SPAG16: variants seen among roughly 807,000 people sequenced by gnomAD.
The protein encoded by SPAG16 is sperm associated antigen 16, also known as sperm-associated antigen 16 protein.
Under a neutral mutation model 80.4 loss-of-function variants are expected in SPAG16, and 86 were observed. The observed-to-expected ratio is 1.07, with a 90% CI of 0.90 to 1.28. SPAG16 has a LOEUF of 1.28. SPAG16 is among the 50% of genes most tolerant of loss of function. The pLI is 0.00. For synonymous variants in SPAG16, 294 were observed against 265.9 expected (o/e 1.11, Z -1.03); for missense variants, 870 against 765.3 (o/e 1.14, Z -1.61).
chr2:213,429,723 G>T (rs2070170720), intron 9 of SPAG16, among the ~76,000 whole-genome samples: 1 of 152,036 alleles, frequency 6.6e-6, no homozygotes, highest in African/African-American at 2.4e-5. Flanking sequence ...CCACCCTAAG[G>T]CTATTTATAA....
intron 10 of SPAG16, among the ~76,000 whole-genome samples, chr2:213,837,539 T>C (rs1043346613): frequency 6.6e-6 from 1 of 152,246 alleles, no homozygotes. Context: ...AATGTTGCTA[T>C]TTTGCAACTA....
chr2:213,445,740 A>G (rs1396737203), intron 9 of SPAG16, among the ~76,000 whole-genome samples: 1 of 152,204 alleles, frequency 6.6e-6, no homozygotes, highest in Non-Finnish European at 1.5e-5. Flanking sequence ...AATCTAAACT[A>G]CAATAAGATA....
chr2:213,542,024 T>G (rs1421857079), intron 10 of SPAG16, among the ~76,000 whole-genome samples: 1 of 152,158 alleles, frequency 6.6e-6, no homozygotes, highest in East Asian at 1.9e-4. Context: ...AAAGTCTATT[T>G]TCATAGACAA....
intron 5 of SPAG16, among the ~76,000 whole-genome samples, chr2:213,323,471 CAA>C (rs2063712639): frequency 6.6e-6 from 1 of 152,148 alleles, no homozygotes; most frequent in Non-Finnish European, 1.5e-5. Context: ...CAAACAATAA[CAA>C]GTGTTGATGT....
intron 11 of SPAG16, among the ~76,000 whole-genome samples, chr2:213,885,798 A>C (rs1041557470): frequency 1.3e-5 from 2 of 152,192 alleles, no homozygotes; most frequent in African/African-American, 4.8e-5. Flanking sequence ...TACAGTATCC[A>C]TAGTTACACA....
At chr2:213,925,355 C>CT (rs35309095) in intron 11 of SPAG16, among the ~76,000 whole-genome samples, 38,323 of 141,594 alleles carry the variant, frequency 0.27, 5,379 homozygotes, top group East Asian at 0.44. Context: ...TCTTTTCTTC[C>CT]TTTTTTTTTT....
intron 13 of SPAG16, among the ~76,000 whole-genome samples, chr2:214,020,703 AAT>A (rs1252052655): frequency 6.6e-6 from 1 of 152,194 alleles, no homozygotes; most frequent in Non-Finnish European, 1.5e-5. Flanking sequence ...TGAACTTTCA[AAT>A]TCATCCACTA....
intron 10 of SPAG16, among the ~76,000 whole-genome samples, chr2:213,599,003 GA>G (rs2060973498): frequency 6.6e-6 from 1 of 152,140 alleles, no homozygotes; most frequent in African/African-American, 2.4e-5. Flanking sequence ...ATGTGTATAG[GA>G]AAGGTTATGT....
chr2:214,191,713 C>CAA (rs71037350), intron 15 of SPAG16, among the ~76,000 whole-genome samples: 92 of 68,498 alleles, frequency 1.3e-3, no homozygotes, highest in African/African-American at 3.1e-3. Context: ...GACTCTGTCT[C>CAA]AAAAAAAAAA....
At chr2:213,680,129 A>G (rs1217721739) in intron 10 of SPAG16, among the ~76,000 whole-genome samples, 1 of 152,186 alleles carries the variant, frequency 6.6e-6, no homozygotes, top group Non-Finnish European at 1.5e-5. Context: ...CATAGTGTCA[A>G]GAGAGCAGGG....
At chr2:214,267,398 G>A (rs1482754245) in intron 15 of SPAG16, among the ~76,000 whole-genome samples, 2 of 151,666 alleles carry the variant, frequency 1.3e-5, no homozygotes, top group African/African-American at 2.4e-5. Flanking sequence ...AATTGGGAAA[G>A]GACAGTCCCT....
At chr2:213,542,105 A>G (rs546592445) in intron 10 of SPAG16, among the ~76,000 whole-genome samples, 27 of 152,220 alleles carry the variant, frequency 1.8e-4, no homozygotes, top group Non-Finnish European at 2.6e-4. Context: ...TTCTGTAATT[A>G]AAAAGAAACG....
intron 15 of SPAG16, among the ~76,000 whole-genome samples, chr2:214,360,958 A>G (rs1341768549): frequency 6.6e-6 from 1 of 151,882 alleles, no homozygotes; most frequent in Non-Finnish European, 1.5e-5. Flanking sequence ...CCAAAAATCT[A>G]CCACAGCCTG....
At chr2:213,601,931 A>G (rs764947732) in intron 10 of SPAG16, among the ~76,000 whole-genome samples, 7 of 152,160 alleles carry the variant, frequency 4.6e-5, no homozygotes, top group Non-Finnish European at 1.0e-4. Context: ...TCTGGATGAA[A>G]CTGTTCTACC....
intron 9 of SPAG16, among the ~76,000 whole-genome samples, chr2:213,482,382 C>A (rs779605354): frequency 4.3e-4 from 65 of 152,156 alleles, no homozygotes; most frequent in Admixed American, 9.8e-4. Context: ...AACTACTAAA[C>A]ATCCCGATGC....
intron 11 of SPAG16, among the ~76,000 whole-genome samples, chr2:213,879,193 A>G (rs921339918): frequency 5.3e-5 from 8 of 151,986 alleles, no homozygotes; most frequent in Non-Finnish European, 1.0e-4. Flanking sequence ...GAAAAATGAC[A>G]TTGGTATTTT....
At chr2:213,768,516 A>G (rs2069068449) in intron 10 of SPAG16, among the ~76,000 whole-genome samples, 1 of 152,184 alleles carries the variant, frequency 6.6e-6, no homozygotes, top group Admixed American at 6.5e-5. Context: ...AGAATTTAAT[A>G]TTTACGAGGA....
intron 11 of SPAG16, among the ~76,000 whole-genome samples, chr2:213,925,871 C>A (rs549624688): frequency 2.0e-5 from 3 of 152,116 alleles, no homozygotes; most frequent in South Asian, 4.2e-4. Flanking sequence ...AAATAAATAA[C>A]CTTATTTTTC....
chr2:213,945,276 T>C (rs1313184228), intron 12 of SPAG16, among the ~76,000 whole-genome samples: 1 of 148,960 alleles, frequency 6.7e-6, no homozygotes, highest in Non-Finnish European at 1.5e-5. Context: ...TATATATATA[T>C]ACACAAACAC....
Sources: gnomAD v4.1 joint callset for allele counts (sites outside exome capture counted in the v4.1 genomes callset) on GRCh38, gnomAD v4.1.1 for gene constraint, MANE v1.5 for transcripts, NCBI Gene and HGNC (gene_info 2026-07-23, HGNC 2026-07-21) for gene names.